TNS3: variants seen among roughly 807,000 people sequenced by gnomAD.
TNS3 encodes tensin-3.
Under a neutral mutation model 140.9 loss-of-function variants are expected in TNS3, and 45 were observed. The ratio of observed to expected loss-of-function variants is 0.32; its 90% CI spans 0.25 to 0.41. TNS3 has a LOEUF of 0.41. Ranked by LOEUF, TNS3 falls within the 10% of genes least tolerant of loss-of-function variation. The pLI, the probability that TNS3 is intolerant of heterozygous loss-of-function variation, is 1.00. For synonymous variants in TNS3, 815 were observed against 788.4 expected (o/e 1.03, Z -0.56); for missense variants, 1,716 against 1,906.7 (o/e 0.90, Z 1.86).
Position 47,413,958 on chromosome 7 carries a change from G to A in TNS3, c.626C>T (p.Pro209Leu). The A allele has an allele frequency of 1.9e-6, 3 of 1,613,946 alleles. No individual in the cohort carries two copies. Among genetic ancestry groups the A allele is most frequent in the Non-Finnish European group, 8.5e-7 (1 of 1,180,024 alleles). ...TCACTAGATCCCGGAGGTGTACACA[G>A]GCTGCATGGCTTGGTAGAGCTTCAG... is the stretch of plus-strand genomic sequence containing the variant. ...PFLKLYQAMQ[P>L]VYTSGIYNVG... Residue 209 changes from proline (P) to leucine (L), a missense_variant, in exon 12 of 31, where the codon CCT becomes CTT. By Grantham distance (98) the Pro-to-Leu change is moderately conservative. Transcript: ENST00000311160.
In TNS3 at chr7:47,474,329, C is replaced by T. The variant is rs546458746; in HGVS notation, c.-76+6774G>A. Among the ~76,000 whole-genome samples the T allele has an allele frequency of 2.0e-3, 300 of 149,076 alleles. 1 individual carries two copies. The highest frequency in any genetic ancestry group is 3.4e-3 in the Non-Finnish European group (231 of 67,202). On this transcript the variant is annotated intron_variant, in intron 4 of 30. Coordinates refer to ENST00000311160, the MANE Select transcript of TNS3 (RefSeq NM_022748.12). ...GCACACACACCTCACATAACCCACACAACACACACAAAACACCTCACAACA... is the reference window on the plus strand; with the variant it reads ...GCACACACACCTCACATAACCCACATAACACACACAAAACACCTCACAACA...
chr7:47,553,696 A>T (rs566394173), intron 1 of TNS3, among the ~76,000 whole-genome samples: 13 of 152,236 alleles, frequency 8.5e-5, no homozygotes, highest in Non-Finnish European at 1.9e-4. Flanking sequence ...ACTCTGACAG[A>T]GATGTACAAA....
chr7:47,550,476 G>A (rs1800032224), intron 1 of TNS3, among the ~76,000 whole-genome samples: 1 of 152,218 alleles, frequency 6.6e-6, no homozygotes, highest in South Asian at 2.1e-4. Flanking sequence ...CCTCATGTAA[G>A]CAAGATGCTG....
intron 4 of TNS3, among the ~76,000 whole-genome samples, chr7:47,473,537 G>A (rs895729072): frequency 6.6e-6 from 1 of 152,164 alleles, no homozygotes; most frequent in African/African-American, 2.4e-5. Context: ...GTGGTGTATA[G>A]ACCCGTGTCT....
intron 10 of TNS3, among the ~76,000 whole-genome samples, chr7:47,421,734 G>A (rs1281447365): frequency 1.3e-5 from 2 of 152,122 alleles, no homozygotes; most frequent in East Asian, 1.9e-4. Context: ...GACAAGGAAG[G>A]TATAAAAACA....
At chr7:47,555,994 GTGCA>G (rs888036164) in intron 1 of TNS3, among the ~76,000 whole-genome samples, 32 of 152,354 alleles carry the variant, frequency 2.1e-4, no homozygotes, top group African/African-American at 6.7e-4. Flanking sequence ...ACATGTAGGT[GTGCA>G]TGCATGCATG....
intron 16 of TNS3, among the ~76,000 whole-genome samples, chr7:47,390,777 A>G (rs1440777187): frequency 1.3e-5 from 2 of 151,966 alleles, no homozygotes; most frequent in African/African-American, 4.8e-5. Context: ...ATAGAGTCTC[A>G]CTCATCTACC....
Position 47,278,039 on chromosome 7 carries a change from G to T in TNS3, c.*37C>A, listed in dbSNP as rs757098626. ...ACCCAACGGCTGTCTCCAGGGCTTC[G>T]AGAGGCATCGGTGGGTCCAGGGAGG... On this transcript the variant is annotated 3_prime_UTR_variant, in exon 31 of 31. Transcript: ENST00000311160. The T allele has an allele frequency of 6.2e-7, 1 of 1,613,752 alleles. No homozygotes were observed. Among genetic ancestry groups the T allele is most frequent in the South Asian group, 1.1e-5 (1 of 90,964 alleles).
chr7:47,399,134 C>T (rs114329083), intron 15 of TNS3, among the ~76,000 whole-genome samples: 1,679 of 145,214 alleles, frequency 0.012, 31 homozygotes, highest in African/African-American at 0.039. Flanking sequence ...GTGAAAGATC[C>T]ATACGAGGAG....
chr7:47,349,444 C>T (rs1018760036), intron 17 of TNS3, among the ~76,000 whole-genome samples: 3 of 152,232 alleles, frequency 2.0e-5, no homozygotes, highest in African/African-American at 7.2e-5. Flanking sequence ...ATGGAGGGAA[C>T]TCAGCGACGG....
At chr7:47,311,252 T>C (rs1006899494) in intron 20 of TNS3, among the ~76,000 whole-genome samples, 5 of 152,204 alleles carry the variant, frequency 3.3e-5, no homozygotes, top group Admixed American at 6.5e-5. Context: ...TTTTTAATGA[T>C]TGCCATTCTG....
chr7:47,500,597 A>G (rs1798176043), intron 3 of TNS3, among the ~76,000 whole-genome samples: 1 of 152,248 alleles, frequency 6.6e-6, no homozygotes, highest in Non-Finnish European at 1.5e-5. Flanking sequence ...CAGGCTGGAC[A>G]TGGAGAGATG....
chr7:47,577,651 A>G (rs1327463173), intron 1 of TNS3, among the ~76,000 whole-genome samples: 1 of 152,224 alleles, frequency 6.6e-6, no homozygotes, highest in African/African-American at 2.4e-5. Flanking sequence ...CTTCCAGAAA[A>G]GGGAGACCAT....
intron 4 of TNS3, among the ~76,000 whole-genome samples, chr7:47,456,532 T>C (rs1796253548): frequency 6.6e-6 from 1 of 152,154 alleles, no homozygotes. Context: ...GCTCAACACG[T>C]GCCAGCTTTT....
At chr7:47,314,834 G>C (rs1248094487) in intron 20 of TNS3, among the ~76,000 whole-genome samples, 9 of 152,162 alleles carry the variant, frequency 5.9e-5, no homozygotes, top group Non-Finnish European at 8.8e-5. Flanking sequence ...CATTAAGCCC[G>C]CTGCTCTCTC....
intron 20 of TNS3, among the ~76,000 whole-genome samples, chr7:47,315,190 A>C (rs1211405635): frequency 6.6e-6 from 1 of 152,158 alleles, no homozygotes; most frequent in Non-Finnish European, 1.5e-5. Context: ...AATTCCCACA[A>C]TATTCTCACA....
Position 47,389,109 on chromosome 7 carries a change from C to CAGAAGCAGAAGCAGAAGAAGAAGA in TNS3, c.1024+7690_1024+7691insTCTTCTTCTTCTGCTTCTGCTTCT, listed in dbSNP as rs1195199187. Reference sequence around the variant, plus strand: ...GAGGAAGAGGAAGAGGAAGCGGAAGCAGAAGAAGAAGAAGAAGAAGAAGAA... The same window carrying CAGAAGCAGAAGCAGAAGAAGAAGA: ...GAGGAAGAGGAAGAGGAAGCGGAAGCAGAAGCAGAAGCAGAAGAAGAAGAAGAAGAAGAAGAAGAAGAAGAAGAA... On this transcript the variant is annotated intron_variant, in intron 16 of 30. Transcript: ENST00000311160. Among the ~76,000 whole-genome samples the CAGAAGCAGAAGCAGAAGAAGAAGA allele has an allele frequency of 1.9e-4, 11 of 59,140 alleles. 1 individual carries two copies. The highest frequency in any genetic ancestry group is 4.7e-4 in the African/African-American group (7 of 14,774). The allele number at this position is 59,140 out of a possible 152,430, so 38.8% of individuals were successfully genotyped here. A position where few individuals can be genotyped will look rare whatever the true frequency, so the allele number is the denominator to read the frequency against.
At chr7:47,416,330 A>G (rs766766377) in intron 10 of TNS3, among the ~76,000 whole-genome samples, 16 of 152,198 alleles carry the variant, frequency 1.1e-4, no homozygotes, top group Admixed American at 5.2e-4. Context: ...AAAGTCTCTC[A>G]CTTACGCTGG....
intron 17 of TNS3, among the ~76,000 whole-genome samples, chr7:47,361,388 G>T (rs1383126331): frequency 1.3e-5 from 2 of 151,992 alleles, no homozygotes; most frequent in African/African-American, 4.8e-5. Flanking sequence ...CTCCCGGTCT[G>T]CCTCTCCTCC....
Sources: allele counts gnomAD v4.1 joint callset (sites outside exome capture counted in the v4.1 genomes callset), GRCh38; gene constraint gnomAD v4.1.1; transcripts MANE v1.5; gene names NCBI Gene and HGNC (gene_info 2026-07-23, HGNC 2026-07-21).